The following WDHD1 variants were observed in gnomAD, a reference collection of about 807,000 sequenced individuals.
WDHD1 encodes the protein WD repeat and HMG-box DNA binding protein 1, also known as WD repeat and HMG-box DNA-binding protein 1.
Under a neutral mutation model 135.4 loss-of-function variants are expected in WDHD1, and 111 were observed. The ratio of observed to expected loss-of-function variants is 0.82; its 90% CI spans 0.70 to 0.96. The LOEUF (loss-of-function observed/expected upper bound fraction) is 0.96. Among genes scored for constraint, WDHD1 ranks in the 40% least tolerant of loss-of-function variants. WDHD1 has a pLI of 0.00. For synonymous variants in WDHD1, 434 were observed against 439.0 expected, an observed-to-expected ratio of 0.99 and a Z score of 0.14; for missense variants, 1,351 against 1,336.3, an observed-to-expected ratio of 1.01 and a Z score of -0.17.
intron 2 of WDHD1, among the ~76,000 whole-genome samples, chr14:55,018,595 G>A (rs1414447795): frequency 6.6e-6 from 1 of 152,108 alleles, no homozygotes; most frequent in Non-Finnish European, 1.5e-5. Flanking sequence ...TTGAAGAAGT[G>A]TACCCTGAAT....
chr14:55,002,926 T>C (rs900600256), intron 7 of WDHD1, among the ~76,000 whole-genome samples: 3 of 152,100 alleles, frequency 2.0e-5, no homozygotes, highest in Non-Finnish European at 4.4e-5. Context: ...TAGGTCCTTC[T>C]GATATAAAAA....
At chr14:54,988,238 T>C (rs112075250) in intron 13 of WDHD1, among the ~76,000 whole-genome samples, 1 of 151,842 alleles carries the variant, frequency 6.6e-6, no homozygotes, top group Admixed American at 6.6e-5. Flanking sequence ...TTCCGTTTTT[T>C]TTTCCTTTCT....
At chr14:54,948,207 G>A (rs545425125) in intron 24 of WDHD1, among the ~76,000 whole-genome samples, 1 of 152,246 alleles carries the variant, frequency 6.6e-6, no homozygotes, top group East Asian at 1.9e-4. Context: ...AGTGGGCGCA[G>A]AACAGGGGGT....
At chr14:54,954,263 G>C (rs1279973258) in intron 24 of WDHD1, among the ~76,000 whole-genome samples, 1 of 152,100 alleles carries the variant, frequency 6.6e-6, no homozygotes, top group Non-Finnish European at 1.5e-5. Flanking sequence ...TCCAGCCTGG[G>C]CAACAAGAGC....
chr14:55,000,494 C>G lies in WDHD1; in HGVS notation c.942+9G>C, dbSNP rs1231392369. On this transcript the variant is annotated intron_variant, in intron 10 of 25. Transcript: ENST00000360586. ...TTTGAAGAAACTGTTGTACCATACT[C>G]CCTTTTACCTTACTGCTTGATGTCT... 5 of 1,598,476 alleles carry G rather than the reference C, an allele frequency of 3.1e-6. No homozygotes were observed. The highest frequency in any genetic ancestry group is 4.3e-6 in the Non-Finnish European group (5 of 1,172,866).
intron 16 of WDHD1, among the ~76,000 whole-genome samples, chr14:54,976,635 A>C (rs1403177950): frequency 2.0e-5 from 3 of 152,216 alleles, no homozygotes; most frequent in African/African-American, 7.2e-5. Flanking sequence ...TCATCTCTAA[A>C]TATGCCAACA....
chr14:54,984,920 TA>T (rs2041673744), intron 14 of WDHD1, 60 bp from the exon 15 acceptor site: 1 of 1,575,478 alleles, frequency 6.3e-7, no homozygotes, highest in Non-Finnish European at 8.6e-7. Flanking sequence ...TAACGCAGTC[TA>T]AATTATTTTC....
At chr14:54,984,626 T>C (rs1410127306) in intron 15 of WDHD1, 97 bp downstream of exon 15, 2 of 1,030,466 alleles carry the variant, frequency 1.9e-6, no homozygotes, top group African/African-American at 3.4e-5. Flanking sequence ...AATTTATTCT[T>C]AAATTAATTA....
chr14:54,984,808 C>T lies in WDHD1; in HGVS notation c.1821G>A (p.Gly607=). The change falls in exon 15 of 26, where the codon GGG becomes GGA. Residue 607 remains glycine (G), a synonymous_variant. Transcript: ENST00000360586. ...CATGCAAAATTTGTTTTTTCTTTTT[C>T]CCCAGCTCTAGCAGTTGAACTCCAA... ...QCLGVQLLEL[G]KKKKQILHGD... 1 of 1,613,252 alleles carries T rather than the reference C, an allele frequency of 6.2e-7. No individual in the cohort carries two copies.
intron 22 of WDHD1, 151 bp from the exon 23 acceptor site, chr14:54,957,355 T>C: frequency 2.2e-6 from 2 of 923,972 alleles, no homozygotes; most frequent in East Asian, 2.7e-5. Flanking sequence ...TTAAGAATGA[T>C]ACGTATATTC....
In WDHD1 at chr14:54,991,221, TGTGA is replaced by T; in HGVS notation, c.1329_1332del (p.His444AspfsTer22). 1 of 1,564,472 alleles carries T rather than the reference TGTGA, an allele frequency of 6.4e-7. No individual in the cohort carries two copies. The highest frequency in any genetic ancestry group is 8.8e-7 in the Non-Finnish European group (1 of 1,141,778). ...GTAGATCCAAGTCTTACCATGAATC[TGTGA>T]GTGAGATGCAACGGTGTAGAACCTG... On this transcript the variant is annotated frameshift_variant, in exon 12 of 26. Coordinates refer to ENST00000360586, the MANE Select transcript of WDHD1 (RefSeq NM_007086.4). LOFTEE classifies it high-confidence loss of function.
At position 55,000,662 on chromosome 14, in the gene WDHD1, G is replaced by T; in HGVS notation, c.801-18C>A. On this transcript the variant is annotated intron_variant, in intron 9 of 25. Coordinates refer to ENST00000360586, the MANE Select transcript of WDHD1 (RefSeq NM_007086.4). ...GTTTCACCCTAAAAATTAAAAAGTAGGTTCTAAAAATACTGTCAAGAAAAA... is the reference window on the plus strand; with the variant it reads ...GTTTCACCCTAAAAATTAAAAAGTATGTTCTAAAAATACTGTCAAGAAAAA... 1 of 1,515,588 alleles carries T rather than the reference G, an allele frequency of 6.6e-7. No individual in the cohort carries two copies. Among genetic ancestry groups the T allele is most frequent in the Non-Finnish European group, 8.8e-7 (1 of 1,132,052 alleles). The allele number at this position is 1,515,588 out of a possible 1,614,324, so 93.9% of individuals were successfully genotyped here.
rs149619563 is a variant in WDHD1 at position 55,013,590 on chromosome 14, A to G, written c.84T>C (p.Ile28=). 9.9e-6 allele frequency: 16 copies of G among 1,613,186 alleles called. No homozygotes were observed. Among genetic ancestry groups the G allele is most frequent in the African/African-American group, 9.3e-5 (7 of 75,012 alleles). ...EVCFDDSGSF[I]VTCGSDGDVR... is the part of the protein sequence containing the mutation. ...CATCACCATCACTTCCACAAGTCAC[A>G]ATAAAACTGTGAAGAAAAGACACAA... is the stretch of plus-strand genomic sequence containing the variant. Residue 28 remains isoleucine (I), a synonymous_variant, in exon 3 of 26, where the codon ATT becomes ATC. Coordinates refer to ENST00000360586, the MANE Select transcript of WDHD1 (RefSeq NM_007086.4).
chr14:54,974,396 G>A (rs1246421344), intron 16 of WDHD1, among the ~76,000 whole-genome samples: 2 of 150,556 alleles, frequency 1.3e-5, no homozygotes, highest in South Asian at 4.2e-4. Context: ...TCACGCCACT[G>A]CACTCCAGTC....
chr14:55,022,583 G>A (rs2042367132), intron 2 of WDHD1, among the ~76,000 whole-genome samples: 1 of 152,028 alleles, frequency 6.6e-6, no homozygotes, highest in African/African-American at 2.4e-5. Flanking sequence ...TCGGGAGGCT[G>A]AGGTAGAAAA....
intron 21 of WDHD1, among the ~76,000 whole-genome samples, chr14:54,958,126 C>A (rs2041190674): frequency 6.7e-6 from 1 of 149,982 alleles, no homozygotes; most frequent in Admixed American, 6.6e-5. Context: ...CTCCATCCAG[C>A]CATTTTTTTT....
chr14:54,953,045 C>G (rs1389886778), intron 24 of WDHD1, among the ~76,000 whole-genome samples: 1 of 152,028 alleles, frequency 6.6e-6, no homozygotes, highest in Non-Finnish European at 1.5e-5. Context: ...TAGGCAATAC[C>G]ATTCAGGATA....
rs1434609661 is a variant in WDHD1 at position 54,941,294 on chromosome 14, T to A, written c.*196A>T. 2.3e-6 allele frequency: 1 copy of A among 429,414 alleles called. No homozygotes were observed. Among genetic ancestry groups the A allele is most frequent in the Non-Finnish European group, 4.0e-6 (1 of 250,384 alleles). The allele number at this position is 429,414 out of a possible 1,614,324, so 26.6% of individuals were successfully genotyped here. Reference sequence around the variant, plus strand: ...AAAGGCCCTGCATTTGGAGGCAGAGTAATCTGCAAAGATGATAGTTTTTAC... The same window carrying A: ...AAAGGCCCTGCATTTGGAGGCAGAGAAATCTGCAAAGATGATAGTTTTTAC... On this transcript the variant is annotated 3_prime_UTR_variant, in exon 26 of 26. Transcript: ENST00000360586.
At chr14:54,948,381 C>T (rs929491897) in intron 24 of WDHD1, among the ~76,000 whole-genome samples, 1 of 152,206 alleles carries the variant, frequency 6.6e-6, no homozygotes, top group African/African-American at 2.4e-5. Context: ...ATGGTCTTAG[C>T]AAACGGCACA....
Sources: gnomAD v4.1 joint callset for allele counts (sites outside exome capture counted in the v4.1 genomes callset) on GRCh38, gnomAD v4.1.1 for gene constraint, MANE v1.5 for transcripts, NCBI Gene and HGNC (gene_info 2026-07-23, HGNC 2026-07-21) for gene names.